Variants in MAP3K7CL observed in about 807,000 individuals in gnomAD.
MAP3K7CL encodes the protein MAP3K7 C-terminal-like protein.
In MAP3K7CL, 16 loss-of-function variants were observed where a neutral mutation model predicts 18.6. The ratio of observed to expected loss-of-function variants is 0.86; its 90% CI spans 0.58 to 1.31. MAP3K7CL has a LOEUF of 1.31. Among genes scored for constraint, MAP3K7CL ranks in the 50% most tolerant of loss-of-function variants. The probability of loss-of-function intolerance (pLI) is 0.00; values close to 1 mark genes in which losing one functional copy is unlikely to be tolerated. For synonymous variants in MAP3K7CL, 65 were observed against 66.8 expected, an observed-to-expected ratio of 0.97 and a Z score of 0.13; for missense variants, 163 against 174.4, an observed-to-expected ratio of 0.93 and a Z score of 0.37.
chr21:29,165,422 G>A (rs187189518), intron 4 of MAP3K7CL, among the ~76,000 whole-genome samples: 64 of 152,044 alleles, frequency 4.2e-4, no homozygotes, highest in African/African-American at 1.4e-3. Flanking sequence ...TGAGATTTTG[G>A]TACACCTGTC....
chr21:29,116,664 T>A (rs1193728404), intron 4 of MAP3K7CL, among the ~76,000 whole-genome samples: 2 of 152,148 alleles, frequency 1.3e-5, no homozygotes, highest in Non-Finnish European at 2.9e-5. Context: ...CTTCATTTAG[T>A]TTTTCTTGAT....
intron 4 of MAP3K7CL, among the ~76,000 whole-genome samples, chr21:29,171,806 C>CA (rs34411156): frequency 0.023 from 1,865 of 82,806 alleles, 54 homozygotes; most frequent in African/African-American, 0.072. Context: ...GACTCCATCT[C>CA]AAAAAAAAAA....
At chr21:29,090,191 T>C (rs1370351484) in intron 1 of MAP3K7CL, among the ~76,000 whole-genome samples, 9 of 152,162 alleles carry the variant, frequency 5.9e-5, no homozygotes, top group Non-Finnish European at 1.5e-5. Flanking sequence ...GGGTGCACTT[T>C]CCTTATTTTT....
intron 4 of MAP3K7CL, among the ~76,000 whole-genome samples, chr21:29,117,549 A>G (rs1340123704): frequency 6.6e-6 from 1 of 152,262 alleles, no homozygotes; most frequent in African/African-American, 2.4e-5. Flanking sequence ...AGGAAAATTG[A>G]CAGGTGCCTT....
intron 4 of MAP3K7CL, chr21:29,109,218 T>C: frequency 6.5e-7 from 1 of 1,535,326 alleles, no homozygotes; most frequent in Non-Finnish European, 8.7e-7. Context: ...AAGTATTAAG[T>C]GCTATGAGCT....
intron 1 of MAP3K7CL, among the ~76,000 whole-genome samples, chr21:29,079,332 G>A (rs1005701464): frequency 2.0e-5 from 3 of 152,242 alleles, no homozygotes; most frequent in Non-Finnish European, 4.4e-5. Flanking sequence ...AAGTGGCTCT[G>A]CCCTGGTGTA....
chr21:29,173,204 T>C (rs1312820641), intron 4 of MAP3K7CL, among the ~76,000 whole-genome samples: 4 of 152,166 alleles, frequency 2.6e-5, no homozygotes, highest in African/African-American at 9.7e-5. Context: ...TGGCAGTGTG[T>C]CCTAAGCTTT....
intron 4 of MAP3K7CL, among the ~76,000 whole-genome samples, chr21:29,106,099 T>C (rs1189616857): frequency 6.6e-6 from 1 of 152,170 alleles, no homozygotes; most frequent in Non-Finnish European, 1.5e-5. Flanking sequence ...CTATATGGAA[T>C]TTCCACACAA....
intron 3 of MAP3K7CL, chr21:29,091,860 T>G: frequency 1.6e-6 from 1 of 616,476 alleles, no homozygotes; most frequent in Non-Finnish European, 2.9e-6. Context: ...GTATTAATTG[T>G]TTATACATAT....
At chr21:29,165,241 T>C (rs1257937538) in intron 4 of MAP3K7CL, among the ~76,000 whole-genome samples, 1 of 152,208 alleles carries the variant, frequency 6.6e-6, no homozygotes, top group Admixed American at 6.5e-5. Context: ...TATTGGGTAC[T>C]TTGGTGTTTA....
At chr21:29,093,450 AAAAG>A (rs1209204125) in intron 4 of MAP3K7CL, among the ~76,000 whole-genome samples, 1 of 152,134 alleles carries the variant, frequency 6.6e-6, no homozygotes, top group Non-Finnish European at 1.5e-5. Context: ...TTATTTATGA[AAAAG>A]AAAGACCTAG....
At chr21:29,157,988 G>T (rs2087448600) in intron 3 of MAP3K7CL, among the ~76,000 whole-genome samples, 1 of 152,106 alleles carries the variant, frequency 6.6e-6, no homozygotes, top group African/African-American at 2.4e-5. Flanking sequence ...CTGAATTCAT[G>T]GTTCAGGTAC....
chr21:29,109,827 T>G, intron 4 of MAP3K7CL: 1 of 975,728 alleles, frequency 1.0e-6, no homozygotes, highest in Non-Finnish European at 1.2e-6. Flanking sequence ...TATATATACA[T>G]AGTGTAGACT....
chr21:29,148,566 C>T (rs1348532155), intron 2 of MAP3K7CL, among the ~76,000 whole-genome samples: 4 of 152,202 alleles, frequency 2.6e-5, no homozygotes, highest in Non-Finnish European at 5.9e-5. Flanking sequence ...TTTCGGGACT[C>T]TCTGGGCTCT....
At chr21:29,088,942 T>C (rs2085972103) in intron 1 of MAP3K7CL, among the ~76,000 whole-genome samples, 1 of 151,584 alleles carries the variant, frequency 6.6e-6, no homozygotes, top group African/African-American at 2.4e-5. Context: ...GAGGCCGAGG[T>C]AGGTAGATCA....
At chr21:29,127,243 T>G (rs1452958403), upstream of MAP3K7CL, among the ~76,000 whole-genome samples, 1 of 152,226 alleles carries the variant, frequency 6.6e-6, no homozygotes, top group Non-Finnish European at 1.5e-5. Flanking sequence ...TGAATATTAT[T>G]GAAAATAACT....
intron 4 of MAP3K7CL, among the ~76,000 whole-genome samples, chr21:29,170,034 T>C (rs190580518): frequency 1.3e-5 from 2 of 152,334 alleles, no homozygotes; most frequent in East Asian, 3.9e-4. Context: ...ATAGAACCAA[T>C]AAATCAAAGG....
At chr21:29,123,055 C>CTTT (rs1166550061) in intron 4 of MAP3K7CL, among the ~76,000 whole-genome samples, 3 of 89,336 alleles carry the variant, frequency 3.4e-5, no homozygotes, top group Non-Finnish European at 5.9e-5. Context: ...AAGAAATGAT[C>CTTT]TTTTTTTTTT....
rs144388409 is a variant in MAP3K7CL at position 29,099,290 on chromosome 21, A to C, written c.370+6709A>C. On this transcript the variant is annotated intron_variant, in intron 4 of 6. Coordinates refer to the MAP3K7CL transcript ENST00000286791. ...TTTTTTTTTTTTTTTTTTTTTGTAG[A>C]GACGGGATCTTGCCATGTTGCCCAA... Among the ~76,000 whole-genome samples, 934 of 109,354 alleles carry C rather than the reference A, an allele frequency of 8.5e-3. 15 individuals are homozygous for C. Among genetic ancestry groups the C allele is most frequent in the African/African-American group, 0.032 (867 of 27,064 alleles). The allele number at this position is 109,354 out of a possible 152,430, so 71.7% of individuals were successfully genotyped here.
Sources: gnomAD v4.1 joint callset for allele counts (sites outside exome capture counted in the v4.1 genomes callset) on GRCh38, gnomAD v4.1.1 for gene constraint, MANE v1.5 for transcripts, NCBI Gene and HGNC (gene_info 2026-07-23, HGNC 2026-07-21) for gene names.